The following MPPED1 variants were observed in gnomAD, a reference collection of about 807,000 sequenced individuals.
MPPED1 encodes the protein metallophosphoesterase domain containing 1.
MPPED1 carries 16 observed loss-of-function variants against 36.2 expected under a neutral mutation model. The observed-to-expected ratio is 0.44, with a 90% confidence interval of 0.30 to 0.67. The LOEUF is 0.67. MPPED1 is among the 30% of genes least tolerant of loss of function. The pLI is 0.10. For synonymous variants in MPPED1, 199 were observed against 191.3 expected (o/e 1.04, Z -0.33); for missense variants, 307 against 453.4 (o/e 0.68, Z 2.93).
At chr22:43,473,649 GT>G (rs1158749370) in intron 3 of MPPED1, among the ~76,000 whole-genome samples, 1 of 152,230 alleles carries the variant, frequency 6.6e-6, no homozygotes, top group African/African-American at 2.4e-5. Context: ...GCTGAGGCTG[GT>G]GGGGAGTGGG....
chr22:43,451,513 C>T (rs1053377491), intron 3 of MPPED1, among the ~76,000 whole-genome samples: 1 of 152,076 alleles, frequency 6.6e-6, no homozygotes, highest in Non-Finnish European at 1.5e-5. Flanking sequence ...AATGAAGATC[C>T]GAGAGCTCGC....
intron 4 of MPPED1, among the ~76,000 whole-genome samples, chr22:43,477,872 AACG>A (rs747669276): frequency 3.3e-5 from 5 of 152,172 alleles, no homozygotes; most frequent in African/African-American, 4.8e-5. Context: ...GTAGTGGGGA[AACG>A]ACACCGCCTG....
At chr22:43,429,967 C>T (rs1483933975) in intron 2 of MPPED1, among the ~76,000 whole-genome samples, 1 of 152,142 alleles carries the variant, frequency 6.6e-6, no homozygotes, top group African/African-American at 2.4e-5. Flanking sequence ...CCAGGGTCCC[C>T]TTGGACGCAG....
chr22:43,507,735 T>C lies in MPPED1; in HGVS notation c.*2119T>C, dbSNP rs1932833210. 5 of 151,938 alleles carry C rather than the reference T, an allele frequency of 3.3e-5. No individual in the cohort carries two copies. The South Asian group carries it at 1.0e-3, about 31-fold the overall frequency. 9.4% of individuals were successfully genotyped at this position (151,938 alleles called of 1,614,324 possible). A position where few individuals can be genotyped will look rare whatever the true frequency, so the allele number is the denominator to read the frequency against. Reference sequence around the variant, plus strand: ...GAAAATTCATTAAAAGTCCTCGAGGTATGAAGATGACGGCGTGCTTCTCAA... The same window carrying C: ...GAAAATTCATTAAAAGTCCTCGAGGCATGAAGATGACGGCGTGCTTCTCAA... On this transcript the variant is annotated 3_prime_UTR_variant, in exon 7 of 7. Coordinates refer to ENST00000443721, the MANE Select transcript of MPPED1 (RefSeq NM_001044370.2).
chr22:43,483,246 C>T (rs1931805289), intron 4 of MPPED1, among the ~76,000 whole-genome samples: 1 of 152,260 alleles, frequency 6.6e-6, no homozygotes, highest in South Asian at 2.1e-4. Flanking sequence ...TTCCACCTTG[C>T]CTCCCACCAG....
At position 43,502,889 on chromosome 22, in the gene MPPED1, C is replaced by G. The variant is rs1932761072; in HGVS notation, c.862+132C>G. 1 of 728,264 alleles carries G rather than the reference C, an allele frequency of 1.4e-6. No individual in the cohort carries two copies. Among genetic ancestry groups the G allele is most frequent in the Middle Eastern group, 2.4e-4 (1 of 4,244 alleles). The allele number at this position is 728,264 out of a possible 1,614,324, so 45.1% of individuals were successfully genotyped here. A position where few individuals can be genotyped will look rare whatever the true frequency, so the allele number is the denominator to read the frequency against. On this transcript the variant is annotated intron_variant, in intron 6 of 6. Transcript: ENST00000443721. This position sits in a 1 kb window ranked among gnomAD's most constrained non-coding sequence, Gnocchi z 5.5. ...CTACTGTTCGCTTTGTAACTGCTAA[C>G]TGCCATACACACCCTGGCTGTCAAT... is the stretch of plus-strand genomic sequence containing the variant.
intron 4 of MPPED1, among the ~76,000 whole-genome samples, chr22:43,485,889 G>A (rs182526760): frequency 5.9e-5 from 9 of 152,364 alleles, no homozygotes; most frequent in African/African-American, 2.2e-4. Context: ...TGTGATTGAC[G>A]GGCTTTGGGG....
chr22:43,486,279 C>G (rs28632161), intron 4 of MPPED1, among the ~76,000 whole-genome samples: 1 of 152,182 alleles, frequency 6.6e-6, no homozygotes, highest in African/African-American at 2.4e-5. Context: ...GGGAAGGACT[C>G]GGGGCCAATG....
intron 3 of MPPED1, among the ~76,000 whole-genome samples, chr22:43,448,387 A>T (rs1930437973): frequency 6.6e-6 from 1 of 152,196 alleles, no homozygotes; most frequent in African/African-American, 2.4e-5. Flanking sequence ...TTGAAATTAA[A>T]TGTCCACAGG....
chr22:43,463,324 A>ATTT (rs1482896905), intron 3 of MPPED1, among the ~76,000 whole-genome samples: 1 of 129,420 alleles, frequency 7.7e-6, no homozygotes, highest in African/African-American at 2.8e-5. Context: ...TGGGCTTATG[A>ATTT]TTTTTTCTTT....
intron 3 of MPPED1, among the ~76,000 whole-genome samples, chr22:43,473,235 C>T (rs1008812453): frequency 5.3e-5 from 8 of 152,048 alleles, no homozygotes; most frequent in African/African-American, 1.9e-4. Context: ...GGCATTGCCC[C>T]GGGAGGGTGA....
intron 1 of MPPED1, among the ~76,000 whole-genome samples, chr22:43,421,380 G>C (rs1264128608): frequency 6.6e-6 from 1 of 152,268 alleles, no homozygotes; most frequent in Non-Finnish European, 1.5e-5. Context: ...TTTCAGCGCG[G>C]AGCGCCTCCG....
Position 43,502,551 on chromosome 22 carries a change from C to G in MPPED1, c.749-93C>G, listed in dbSNP as rs555362252. 10 of 998,630 alleles carry G rather than the reference C, an allele frequency of 1.0e-5. No homozygotes were observed. In the South Asian group the frequency reaches 1.3e-4, roughly 13 times the overall value. The allele number at this position is 998,630 out of a possible 1,614,324, so 61.9% of individuals were successfully genotyped here. On this transcript the variant is annotated intron_variant, in intron 5 of 6. Transcript: ENST00000443721. The surrounding 1 kb of genome is among the most constrained non-coding windows in gnomAD (Gnocchi z 5.5). The stretch of plus-strand genomic sequence containing the variant: ...AAGCCGGAGTCCGGAAGCCCCATGC[C>G]TTCTCCAGGCTGCAGAAGCTGCTGC...
chr22:43,502,893 C>T lies in MPPED1; in HGVS notation c.862+136C>T. 1.4e-6 allele frequency: 1 copy of T among 717,180 alleles called. No homozygotes were observed. The highest frequency in any genetic ancestry group is 2.5e-5 in the Admixed American group (1 of 39,504). The allele number at this position is 717,180 out of a possible 1,614,324, so 44.4% of individuals were successfully genotyped here. On this transcript the variant is annotated intron_variant, in intron 6 of 6. Coordinates refer to ENST00000443721, the MANE Select transcript of MPPED1 (RefSeq NM_001044370.2). The surrounding 1 kb of genome is among the most constrained non-coding windows in gnomAD (Gnocchi z 5.5). ...TGTTCGCTTTGTAACTGCTAACTGC[C>T]ATACACACCCTGGCTGTCAATGAGC... is the stretch of plus-strand genomic sequence containing the variant.
rs116613352 is a variant in MPPED1 at position 43,421,309 on chromosome 22, C to T, written c.-78-3599C>T. ...GCATTAAAAGAAGCCGTTGCGTTTC[C>T]AGTTTCCCGGATTTCTCTGAGCAGG... is the stretch of plus-strand genomic sequence containing the variant. On this transcript the variant is annotated intron_variant, in intron 1 of 6. Transcript: ENST00000443721. 3.2e-3 allele frequency among the ~76,000 whole-genome samples: 494 copies of T among 152,360 alleles called. 2 individuals carry two copies. Among genetic ancestry groups the T allele is most frequent in the African/African-American group, 0.011 (477 of 41,582 alleles).
At chr22:43,432,792 GGAGAGAGAGAGAAAGGGAGGA>G (rs1929786669) in intron 2 of MPPED1, among the ~76,000 whole-genome samples, 3 of 58,810 alleles carry the variant, frequency 5.1e-5, no homozygotes, top group African/African-American at 2.2e-4. Flanking sequence ...GAGAAAGGGA[GGAGAGAGAGAGAAAGGGAGGA>G]GAGAGAGAGA....
intron 2 of MPPED1, among the ~76,000 whole-genome samples, chr22:43,427,149 C>T (rs377623672): frequency 9.6e-4 from 147 of 152,338 alleles, no homozygotes; most frequent in Middle Eastern, 3.4e-3. Context: ...GCACCACATA[C>T]AGTGGGACCA....
At chr22:43,461,746 G>A (rs1930964307) in intron 3 of MPPED1, among the ~76,000 whole-genome samples, 1 of 152,178 alleles carries the variant, frequency 6.6e-6, no homozygotes, top group Admixed American at 6.5e-5. Context: ...ATATGTCTAA[G>A]TGGTTGTGAC....
chr22:43,447,883 A>ATATATATATATTT (rs1321289636), intron 3 of MPPED1, among the ~76,000 whole-genome samples: 34 of 67,698 alleles, frequency 5.0e-4, no homozygotes, highest in Admixed American at 6.3e-4. Context: ...ATATATATAT[A>ATATATATATATTT]TTTTTTTTTT....
Sources: allele counts gnomAD v4.1 joint callset (sites outside exome capture counted in the v4.1 genomes callset), GRCh38; gene constraint gnomAD v4.1.1; non-coding constraint Gnocchi (gnomAD v3.1); transcripts MANE v1.5; gene names NCBI Gene and HGNC (gene_info 2026-07-23, HGNC 2026-07-21).